Variants in DHX35 observed in about 807,000 individuals in gnomAD.
The protein encoded by DHX35 is probable ATP-dependent RNA helicase DHX35.
A neutral mutation model predicts 99.6 loss-of-function variants in DHX35; 84 were observed. The observed-to-expected ratio is 0.84, with a 90% CI of 0.71 to 1.01. The LOEUF (loss-of-function observed/expected upper bound fraction) is 1.01. Ranked by LOEUF, DHX35 falls within the 50% of genes least tolerant of loss-of-function variation. The probability of loss-of-function intolerance (pLI) is 0.00; values close to 1 mark genes in which losing one functional copy is unlikely to be tolerated. For missense variants in DHX35, 852 were observed against 888.5 expected, an observed-to-expected ratio of 0.96 and a Z score of 0.52; for synonymous variants, 331 against 316.2, an observed-to-expected ratio of 1.05 and a Z score of -0.50.
chr20:38,966,608 G>A lies in DHX35; in HGVS notation c.41-2473G>A, dbSNP rs141076028. On this transcript the variant is annotated intron_variant, in intron 1 of 21. Transcript: ENST00000252011. ...CGCTTGAACCTGGAAGGCGGAGGTT[G>A]CAGTGAGCTGGCATCTCGCCACTGC... Among the ~76,000 whole-genome samples the A allele has an allele frequency of 4.6e-3, 701 of 152,320 alleles. 8 individuals carry two copies. The highest frequency in any genetic ancestry group is 0.016 in the African/African-American group (676 of 41,578).
intron 15 of DHX35, among the ~76,000 whole-genome samples, chr20:39,021,539 T>G (rs1032546765): frequency 6.6e-6 from 1 of 152,182 alleles, no homozygotes; most frequent in Non-Finnish European, 1.5e-5. Flanking sequence ...GCTGTCACCC[T>G]GGCTGGAATG....
chr20:38,984,877 C>A (rs2145861998), intron 4 of DHX35, among the ~76,000 whole-genome samples: 1 of 149,782 alleles, frequency 6.7e-6, no homozygotes, highest in East Asian at 2.0e-4. Flanking sequence ...CTTGTATTGG[C>A]TGAATTTTAT....
intron 15 of DHX35, 102 bp downstream of exon 15, chr20:39,019,001 A>G (rs1198508868): frequency 3.1e-6 from 3 of 978,942 alleles, no homozygotes; most frequent in Admixed American, 4.0e-5. Flanking sequence ...AATATGGTAA[A>G]GAAGTATATA....
At chr20:39,018,303 G>A (rs573737324) in intron 14 of DHX35, among the ~76,000 whole-genome samples, 5 of 152,140 alleles carry the variant, frequency 3.3e-5, no homozygotes, top group Admixed American at 2.0e-4. Flanking sequence ...ACAGTGAGGG[G>A]GCAATGGAGA....
chr20:38,982,925 A>AT (rs547151407), intron 3 of DHX35, among the ~76,000 whole-genome samples: 4,512 of 142,124 alleles, frequency 0.032, 216 homozygotes, highest in African/African-American at 0.1. Context: ...ACTTAATCAA[A>AT]TTTTTTTTTT....
At chr20:38,995,289 C>T (rs969031555) in intron 8 of DHX35, among the ~76,000 whole-genome samples, 1 of 152,204 alleles carries the variant, frequency 6.6e-6, no homozygotes, top group African/African-American at 2.4e-5. Flanking sequence ...CTTTGGGAGG[C>T]TGAGGTGGGT....
chr20:39,031,633 G>A (rs555350474), intron 20 of DHX35, among the ~76,000 whole-genome samples: 2 of 152,274 alleles, frequency 1.3e-5, no homozygotes, highest in African/African-American at 2.4e-5. Context: ...CACTGTACCC[G>A]GCCCCAGCCC....
At chr20:38,989,547 A>G (rs188154763) in intron 5 of DHX35, among the ~76,000 whole-genome samples, 38 of 152,244 alleles carry the variant, frequency 2.5e-4, no homozygotes, top group Non-Finnish European at 4.6e-4. Context: ...ATTATATGCC[A>G]ATCAGTGATA....
chr20:39,002,948 A>C, intron 10 of DHX35, 80 bp downstream of exon 10: 1 of 1,192,250 alleles, frequency 8.4e-7, no homozygotes, highest in Non-Finnish European at 1.2e-6. Flanking sequence ...TACTTTACTC[A>C]GTCATGTATT....
At chr20:38,969,260 C>G in intron 2 of DHX35, 46 bp downstream of exon 2, 2 of 1,569,668 alleles carry the variant, frequency 1.3e-6, no homozygotes, top group Non-Finnish European at 1.7e-6. Flanking sequence ...AATCGTGTGT[C>G]TGCATTAGCT....
intron 1 of DHX35, among the ~76,000 whole-genome samples, chr20:38,967,063 G>C (rs57328439): frequency 0.021 from 3,144 of 152,244 alleles, 114 homozygotes; most frequent in African/African-American, 0.072. Context: ...ACACAACTCT[G>C]TTCCTGGAAG....
intron 4 of DHX35, among the ~76,000 whole-genome samples, chr20:38,987,482 G>C (rs576759223): frequency 1.3e-5 from 2 of 152,260 alleles, no homozygotes; most frequent in Admixed American, 6.5e-5. Flanking sequence ...GACCTCAGGT[G>C]ATTTGCCTCC....
intron 3 of DHX35, among the ~76,000 whole-genome samples, chr20:38,980,013 A>G (rs1476966035): frequency 6.6e-6 from 1 of 152,150 alleles, no homozygotes; most frequent in African/African-American, 2.4e-5. Context: ...GATGGACTTC[A>G]GCTACGTTTT....
intron 1 of DHX35, among the ~76,000 whole-genome samples, chr20:38,968,697 A>C (rs574366600): frequency 8.6e-5 from 13 of 151,982 alleles, no homozygotes; most frequent in African/African-American, 3.1e-4. Context: ...ACAGACACAC[A>C]CCGCCATGCA....
chr20:38,988,803 C>A lies in DHX35; in HGVS notation c.346-10C>A, dbSNP rs754385619. 4.3e-6 allele frequency: 7 copies of A among 1,613,270 alleles called. No individual in the cohort carries two copies. The highest frequency in any genetic ancestry group is 1.1e-5 in the South Asian group (1 of 91,054). ...TGTCTCTATTTTCAGCATGATCTTTCTTCCCAAAGGTTGCAGGGAGAGTAG... is the reference window on the plus strand; with the variant it reads ...TGTCTCTATTTTCAGCATGATCTTTATTCCCAAAGGTTGCAGGGAGAGTAG... On this transcript the variant is annotated splice_polypyrimidine_tract_variant and intron_variant, in intron 4 of 21. Transcript: ENST00000252011.
chr20:39,015,912 T>TA (rs749260379), intron 14 of DHX35, among the ~76,000 whole-genome samples: 1 of 152,212 alleles, frequency 6.6e-6, no homozygotes, highest in Non-Finnish European at 1.5e-5. Context: ...AGAGAGTTTT[T>TA]ATCTCTATAG....
At chr20:38,981,528 C>T (rs940181720) in intron 3 of DHX35, among the ~76,000 whole-genome samples, 42 of 152,134 alleles carry the variant, frequency 2.8e-4, no homozygotes, top group African/African-American at 9.9e-4. Context: ...TGTTTTCTTT[C>T]TAAAGCTTTC....
intron 13 of DHX35, among the ~76,000 whole-genome samples, chr20:39,014,613 C>T (rs1400271771): frequency 6.6e-6 from 1 of 151,958 alleles, no homozygotes; most frequent in Admixed American, 6.6e-5. Context: ...AAGATAGGGA[C>T]CTATCACGTC....
At chr20:39,006,495 C>T (rs2086621067) in intron 12 of DHX35, 139 bp downstream of exon 12, 1 of 888,798 alleles carries the variant, frequency 1.1e-6, no homozygotes, top group South Asian at 1.7e-5. Flanking sequence ...TAATCAGATC[C>T]CCACTGCTTT....
Sources: gnomAD v4.1 joint callset for allele counts (sites outside exome capture counted in the v4.1 genomes callset) on GRCh38, gnomAD v4.1.1 for gene constraint, MANE v1.5 for transcripts, NCBI Gene and HGNC (gene_info 2026-07-23, HGNC 2026-07-21) for gene names.